ZSWIM2: variants seen among roughly 807,000 people sequenced by gnomAD.
ZSWIM2 encodes E3 ubiquitin-protein ligase ZSWIM2.
Under a neutral mutation model 48.4 loss-of-function variants are expected in ZSWIM2, and 38 were observed. The ratio of observed to expected loss-of-function variants is 0.79; its 90% CI spans 0.61 to 1.03. The LOEUF (loss-of-function observed/expected upper bound fraction) is 1.03, where lower values mean the gene tolerates loss of function less well. Among genes scored for constraint, ZSWIM2 ranks in the 50% least tolerant of loss-of-function variants. ZSWIM2 has a pLI of 0.00. For synonymous variants in ZSWIM2, 240 were observed against 251.3 expected, an observed-to-expected ratio of 0.96 and a Z score of 0.42; for missense variants, 776 against 730.2, an observed-to-expected ratio of 1.06 and a Z score of -0.72.
Position 186,833,946 on chromosome 2 carries a change from C to T in ZSWIM2, c.828G>A (p.Glu276=). 1.2e-6 allele frequency: 2 copies of T among 1,611,318 alleles called. No individual in the cohort carries two copies. The highest frequency in any genetic ancestry group is 1.7e-6 in the Non-Finnish European group (2 of 1,177,960). ...CHLSHTFTFR[E]KRNQKWRSLE... ...ATTAGATTCAAGATGGATACTGTAC[C>T]TCACGAAATGTAAACGTGTGGGAAA... Residue 276 remains glutamate, a splice_region_variant and synonymous_variant, in exon 6 of 9, where the codon GAG becomes GAA. Coordinates refer to ENST00000295131, the MANE Select transcript of ZSWIM2 (RefSeq NM_182521.3).
intron 1 of ZSWIM2, chr2:186,848,683 T>C: frequency 3.0e-6 from 1 of 337,064 alleles, no homozygotes. Context: ...CAGGTATTCA[T>C]ACGCCTCTGA....
intron 3 of ZSWIM2, 80 bp from the exon 4 acceptor site, chr2:186,839,249 G>A: frequency 5.5e-6 from 7 of 1,280,448 alleles, no homozygotes; most frequent in Non-Finnish European, 7.7e-6. Context: ...CTGAAAGTTA[G>A]AATTTTCTTT....
intron 3 of ZSWIM2, among the ~76,000 whole-genome samples, chr2:186,839,894 TC>T (rs1324443168): frequency 1.3e-5 from 2 of 151,620 alleles, no homozygotes; most frequent in Non-Finnish European, 3.0e-5. Flanking sequence ...CTTTGCTGCT[TC>T]CCCCTTCCAT....
At chr2:186,828,826 A>T (rs1424031034) in intron 8 of ZSWIM2, 36 bp from the exon 9 acceptor site, 3 of 1,231,218 alleles carry the variant, frequency 2.4e-6, no homozygotes, top group South Asian at 2.7e-5. Flanking sequence ...GAACTATACC[A>T]ATCTTGTTTA....
chr2:186,830,540 C>G (rs1263309560), intron 7 of ZSWIM2, among the ~76,000 whole-genome samples: 1 of 152,204 alleles, frequency 6.6e-6, no homozygotes, highest in East Asian at 1.9e-4. Context: ...TAGAAAAATA[C>G]AACCCAATTT....
chr2:186,844,604 A>G (rs1485271861), intron 3 of ZSWIM2, 113 bp downstream of exon 3: 5 of 1,076,386 alleles, frequency 4.6e-6, no homozygotes, highest in Non-Finnish European at 6.5e-6. Flanking sequence ...ACGATTCCCT[A>G]GAAAAGTAAC....
rs1451791543 is a variant in ZSWIM2 at position 186,839,919 on chromosome 2, A to C, written c.284-750T>G. The stretch of plus-strand genomic sequence containing the variant: ...TCCCCCTTCCATCTCCTACTCCTGA[A>C]CATGTCATAATTTAAATGCTAGTTG... On this transcript the variant is annotated intron_variant, in intron 3 of 8. Transcript: ENST00000295131. Among the ~76,000 whole-genome samples the C allele has an allele frequency of 2.0e-5, 3 of 151,672 alleles. No homozygotes were observed. The South Asian group carries it at 6.2e-4, about 32-fold the overall frequency.
At chr2:186,836,216 CTT>C (rs1691791115) in intron 5 of ZSWIM2, among the ~76,000 whole-genome samples, 1 of 152,084 alleles carries the variant, frequency 6.6e-6, no homozygotes, top group African/African-American at 2.4e-5. Context: ...ATCCACCCCT[CTT>C]GAGAAAATTT....
chr2:186,828,880 A>T lies in ZSWIM2; in HGVS notation c.1096-90T>A, dbSNP rs567492114. On this transcript the variant is annotated intron_variant, in intron 8 of 8. Coordinates refer to ENST00000295131, the MANE Select transcript of ZSWIM2 (RefSeq NM_182521.3). ...TTTCCCCCAGTTTCATAATTTTATGATTAAAAATATTTAGCAAAATTGAAA... is the reference window on the plus strand; with the variant it reads ...TTTCCCCCAGTTTCATAATTTTATGTTTAAAAATATTTAGCAAAATTGAAA... 107 of 786,968 alleles carry T rather than the reference A, an allele frequency of 1.4e-4. No individual in the cohort carries two copies. In the East Asian group the frequency reaches 2.9e-3, roughly 21 times the overall value. The allele number at this position is 786,968 out of a possible 1,614,324, so 48.7% of individuals were successfully genotyped here. A position where few individuals can be genotyped will look rare whatever the true frequency, so the allele number is the denominator to read the frequency against.
chr2:186,827,539 T>A lies in ZSWIM2; in HGVS notation c.*445A>T, dbSNP rs948559304. Among the ~76,000 whole-genome samples, 1 of 146,086 alleles carries A rather than the reference T, an allele frequency of 6.8e-6. No homozygotes were observed. Among genetic ancestry groups the A allele is most frequent in the East Asian group, 2.0e-4 (1 of 5,084 alleles). ...TTTTATGTATAAGAAAACTCCTTTA[T>A]GGAGTTTTTTAAGGTTTTTTTTTAT... On this transcript the variant is annotated 3_prime_UTR_variant, in exon 9 of 9. Coordinates refer to ENST00000295131, the MANE Select transcript of ZSWIM2 (RefSeq NM_182521.3).
chr2:186,837,612 G>GTATATATATATATATTATA lies in ZSWIM2; in HGVS notation c.495-59_495-58insTATAATATATATATATATA, dbSNP rs1553517374. Reference sequence around the variant, plus strand: ...TATAGAGCAGTTTTACATATCCATTGTATATATATATATATATTATATATA... The same window carrying GTATATATATATATATTATA: ...TATAGAGCAGTTTTACATATCCATTGTATATATATATATATTATATATATATATATATATATTATATATA... On this transcript the variant is annotated intron_variant, in intron 4 of 8. Transcript: ENST00000295131. 1.7e-5 allele frequency: 8 copies of GTATATATATATATATTATA among 481,884 alleles called. No individual in the cohort carries two copies. The African/African-American group carries it at 1.7e-4, about 10-fold the overall frequency. The allele number at this position is 481,884 out of a possible 1,614,324, so 29.9% of individuals were successfully genotyped here. A position where few individuals can be genotyped will look rare whatever the true frequency, so the allele number is the denominator to read the frequency against.
At chr2:186,831,366 T>A (rs904555292) in intron 7 of ZSWIM2, among the ~76,000 whole-genome samples, 1 of 150,870 alleles carries the variant, frequency 6.6e-6, no homozygotes, top group Non-Finnish European at 1.5e-5. Context: ...TGTGTGGGGG[T>A]ACAGGTGTAT....
At position 186,849,028 on chromosome 2, in the gene ZSWIM2, G is replaced by A. The variant is rs774359683; in HGVS notation, c.103C>T (p.Arg35Ter). The A allele has an allele frequency of 6.2e-7, 1 of 1,614,202 alleles. No homozygotes were observed. Among genetic ancestry groups the A allele is most frequent in the Non-Finnish European group, 8.5e-7 (1 of 1,180,020 alleles). The change falls in exon 1 of 9, where the codon CGA (arginine) becomes TGA (stop). Residue 35 changes from arginine to a stop codon, truncating the protein, a stop_gained. Coordinates refer to ENST00000295131, the MANE Select transcript of ZSWIM2 (RefSeq NM_182521.3). LOFTEE classifies it high-confidence loss of function. ...AGGAAGCCAGTGGGGCCCATCTCTC[G>A]TAGGAGGTAGATGCTGCTACTCAGC... ...QALSSSIYLL[R>*]EMGPTGFLLR...
At position 186,833,928 on chromosome 2, in the gene ZSWIM2, T is replaced by G; in HGVS notation, c.828+18A>C. The G allele has an allele frequency of 6.3e-7, 1 of 1,596,784 alleles. No individual in the cohort carries two copies. Among genetic ancestry groups the G allele is most frequent in the Non-Finnish European group, 8.6e-7 (1 of 1,165,368 alleles). ...GACAAATAGAAACACTGTATTAGAT[T>G]CAAGATGGATACTGTACCTCACGAA... On this transcript the variant is annotated intron_variant, in intron 6 of 8. Coordinates refer to ENST00000295131, the MANE Select transcript of ZSWIM2 (RefSeq NM_182521.3).
At chr2:186,832,611 A>T (rs1345403490) in intron 7 of ZSWIM2, among the ~76,000 whole-genome samples, 1 of 152,162 alleles carries the variant, frequency 6.6e-6, no homozygotes, top group Non-Finnish European at 1.5e-5. Context: ...CAATTATTTC[A>T]AATGCAAATT....
At chr2:186,835,324 A>G (rs936521757) in intron 5 of ZSWIM2, among the ~76,000 whole-genome samples, 14 of 152,330 alleles carry the variant, frequency 9.2e-5, no homozygotes, top group African/African-American at 2.6e-4. Flanking sequence ...ATTACTTGCA[A>G]CATAATTTAC....
chr2:186,844,668 A>T, intron 3 of ZSWIM2, 49 bp downstream of exon 3: 1 of 1,493,220 alleles, frequency 6.7e-7, no homozygotes, highest in Non-Finnish European at 9.0e-7. Context: ...TTAACTTCAA[A>T]GTAGTAAAAT....
Position 186,847,795 on chromosome 2 carries a change from C to G in ZSWIM2, c.166G>C (p.Val56Leu). ...EEEPEYMDFRVFLGNPHVCNC... is the reference protein window; with the variant it reads ...EEEPEYMDFRLFLGNPHVCNC... ...CAAACGTGAGGATTTCCTAGAAAAA[C>G]CTTTAAAGGAAAAATGCATACTTAA... is the stretch of plus-strand genomic sequence containing the variant. Residue 56 changes from valine to leucine, a missense_variant and splice_region_variant, in exon 2 of 9, where the codon GTT becomes CTT. Val to Leu is a conservative substitution (Grantham distance 32). Transcript: ENST00000295131. 4 of 1,600,676 alleles carry G rather than the reference C, an allele frequency of 2.5e-6. No individual in the cohort carries two copies. Among genetic ancestry groups the G allele is most frequent in the Non-Finnish European group, 2.6e-6 (3 of 1,173,242 alleles).
At chr2:186,842,581 A>G (rs1012504676) in intron 3 of ZSWIM2, among the ~76,000 whole-genome samples, 3 of 151,442 alleles carry the variant, frequency 2.0e-5, no homozygotes, top group African/African-American at 7.2e-5. Context: ...TTGCAGATAA[A>G]AGACATTCAT....
Sources: gnomAD v4.1 joint callset for allele counts (sites outside exome capture counted in the v4.1 genomes callset) on GRCh38, gnomAD v4.1.1 for gene constraint, MANE v1.5 for transcripts, NCBI Gene and HGNC (gene_info 2026-07-23, HGNC 2026-07-21) for gene names.